The following ATL2 variants were observed in gnomAD, a reference collection of about 807,000 sequenced individuals.
The protein encoded by ATL2 is atlastin GTPase 2.
A neutral mutation model predicts 73.9 loss-of-function variants in ATL2; 31 were observed. The observed-to-expected ratio is 0.42, with a 90% CI of 0.32 to 0.57. The LOEUF (loss-of-function observed/expected upper bound fraction) is 0.57. Among genes scored for constraint, ATL2 ranks in the 20% least tolerant of loss-of-function variants. The probability of loss-of-function intolerance (pLI) is 0.14; values close to 1 mark genes in which losing one functional copy is unlikely to be tolerated. For missense variants in ATL2, 738 were observed against 702.6 expected, an observed-to-expected ratio of 1.05 and a Z score of -0.57; for synonymous variants, 291 against 237.5, an observed-to-expected ratio of 1.23 and a Z score of -2.07.
chr2:38,315,407 T>A, intron 4 of ATL2, 73 bp from the exon 5 acceptor site: 2 of 1,435,982 alleles, frequency 1.4e-6, no homozygotes, highest in Non-Finnish European at 1.8e-6. Flanking sequence ...ATAACTTTAC[T>A]TGTGGAAAAA....
intron 2 of ATL2, among the ~76,000 whole-genome samples, chr2:38,338,121 T>C (rs1175029550): frequency 1.3e-5 from 2 of 152,224 alleles, no homozygotes; most frequent in African/African-American, 4.8e-5. Context: ...TTTAAAATCA[T>C]GCAGCCATAA....
intron 1 of ATL2, among the ~76,000 whole-genome samples, chr2:38,373,613 T>G (rs1428046096): frequency 6.6e-6 from 1 of 152,204 alleles, no homozygotes; most frequent in African/African-American, 2.4e-5. Flanking sequence ...TCAGAGTAGG[T>G]AGTGAAGGTG....
At chr2:38,337,016 G>A (rs181487962) in intron 2 of ATL2, among the ~76,000 whole-genome samples, 99 of 152,098 alleles carry the variant, frequency 6.5e-4, no homozygotes, top group African/African-American at 2.2e-3. Context: ...CTACACCAAC[G>A]GGATGTAATC....
chr2:38,368,940 T>G (rs558261432), intron 1 of ATL2, among the ~76,000 whole-genome samples: 53 of 152,212 alleles, frequency 3.5e-4, no homozygotes, highest in African/African-American at 1.3e-3. Context: ...GTAAATAAAC[T>G]AATTCACATT....
At chr2:38,358,173 G>A (rs915699150) in intron 1 of ATL2, among the ~76,000 whole-genome samples, 3 of 152,134 alleles carry the variant, frequency 2.0e-5, no homozygotes, top group African/African-American at 7.2e-5. Context: ...TAGGATGTAA[G>A]TGTCATTCAT....
intron 1 of ATL2, among the ~76,000 whole-genome samples, chr2:38,373,082 T>C (rs997639675): frequency 7.1e-6 from 1 of 141,002 alleles, no homozygotes; most frequent in Non-Finnish European, 1.6e-5. Context: ...CACCCTATCA[T>C]CTGTTTCCCA....
At chr2:38,341,638 G>C (rs939181215) in intron 2 of ATL2, among the ~76,000 whole-genome samples, 4 of 152,200 alleles carry the variant, frequency 2.6e-5, no homozygotes, top group Non-Finnish European at 5.9e-5. Flanking sequence ...CTATGTGACA[G>C]AGTGAGATCA....
chr2:38,301,829 A>T (rs553523749), intron 9 of ATL2, among the ~76,000 whole-genome samples: 8 of 152,088 alleles, frequency 5.3e-5, no homozygotes, highest in Non-Finnish European at 7.4e-5. Flanking sequence ...GGTGCATATG[A>T]TATAGTAAGA....
rs569395890 is a variant in ATL2, at chr2:38,298,529, C to T, written c.1247G>A (p.Arg416Gln). The T allele has an allele frequency of 5.0e-6, 8 of 1,614,040 alleles. No homozygotes were observed. In the Admixed American group the frequency reaches 6.7e-5, roughly 13 times the overall value. ...KPYIAPSDLE[R>Q]KHLDLKEVAI... ...CACTTCCTTGAGATCCAAGTGTTTT[C>T]GCTCCAGATCTGAAGGTGCAATGTA... The change falls in exon 12 of 13, where the codon CGA (arginine) becomes CAA (glutamine). Residue 416 changes from arginine to glutamine, a missense_variant. Transcript: ENST00000378954.
At chr2:38,325,674 A>AG (rs1668581570) in intron 2 of ATL2, among the ~76,000 whole-genome samples, 34 of 74,814 alleles carry the variant, frequency 4.5e-4, no homozygotes, top group Admixed American at 4.2e-3. Context: ...ACACACACAC[A>AG]CACACACACA....
intron 2 of ATL2, among the ~76,000 whole-genome samples, chr2:38,319,628 A>G (rs1668212744): frequency 6.6e-6 from 1 of 151,548 alleles, no homozygotes; most frequent in African/African-American, 2.4e-5. Context: ...AGAGAGAGAG[A>G]GAGAGACAGA....
At chr2:38,364,016 C>A (rs1671160319) in intron 1 of ATL2, among the ~76,000 whole-genome samples, 1 of 152,206 alleles carries the variant, frequency 6.6e-6, no homozygotes, top group South Asian at 2.1e-4. Context: ...GTAATCCCAG[C>A]ACTTTGGGAG....
At chr2:38,321,594 A>T (rs1668325247) in intron 2 of ATL2, among the ~76,000 whole-genome samples, 1 of 152,174 alleles carries the variant, frequency 6.6e-6, no homozygotes. Flanking sequence ...TTCCATAGTC[A>T]CTGAATGTTC....
chr2:38,333,065 T>TAA (rs1411793626), intron 2 of ATL2, among the ~76,000 whole-genome samples: 1 of 151,822 alleles, frequency 6.6e-6, no homozygotes, highest in African/African-American at 2.4e-5. Context: ...AATTCTGAAC[T>TAA]AAAATTTATA....
rs868094339 is a variant in ATL2 at position 38,295,985 on chromosome 2, G to A, written c.*9C>T. The stretch of plus-strand genomic sequence containing the variant: ...AAAAAGAGAGTGGAGTCCGTGAGGA[G>A]ATGAACTGTCAGTCTGTCTTTAATC... On this transcript the variant is annotated 3_prime_UTR_variant, in exon 13 of 13. Coordinates refer to ENST00000378954, the MANE Select transcript of ATL2 (RefSeq NM_001135673.4). The A allele has an allele frequency of 4.6e-6, 7 of 1,534,218 alleles. No individual in the cohort carries two copies. The highest frequency in any genetic ancestry group is 6.2e-6 in the Non-Finnish European group (7 of 1,132,700).
chr2:38,322,511 G>C (rs1245090918), intron 2 of ATL2, among the ~76,000 whole-genome samples: 1 of 151,998 alleles, frequency 6.6e-6, no homozygotes, highest in Non-Finnish European at 1.5e-5. Flanking sequence ...ATTATTCCTA[G>C]AAACAATACA....
At chr2:38,331,961 G>C (rs537293882) in intron 2 of ATL2, among the ~76,000 whole-genome samples, 10 of 152,148 alleles carry the variant, frequency 6.6e-5, no homozygotes, top group African/African-American at 2.4e-4. Context: ...ATAAAGTGTG[G>C]TATATCCACA....
intron 1 of ATL2, among the ~76,000 whole-genome samples, chr2:38,356,854 A>G (rs1055744617): frequency 5.9e-5 from 9 of 152,168 alleles, no homozygotes; most frequent in African/African-American, 2.2e-4. Context: ...CGGTCTATTC[A>G]CAATCTAGAT....
At chr2:38,317,568 G>A (rs1369878917) in intron 4 of ATL2, among the ~76,000 whole-genome samples, 1 of 152,134 alleles carries the variant, frequency 6.6e-6, no homozygotes, top group African/African-American at 2.4e-5. Context: ...CATAAGCCTT[G>A]TCTGGGTTTC....
Sources: gnomAD v4.1 joint callset for allele counts (sites outside exome capture counted in the v4.1 genomes callset) on GRCh38, gnomAD v4.1.1 for gene constraint, MANE v1.5 for transcripts, NCBI Gene and HGNC (gene_info 2026-07-23, HGNC 2026-07-21) for gene names.